Variants in ATF7IP2 observed in about 807,000 individuals in gnomAD.
The protein encoded by ATF7IP2 is activating transcription factor 7-interacting protein 2.
Under a neutral mutation model 64.2 loss-of-function variants are expected in ATF7IP2, and 42 were observed. The ratio of observed to expected loss-of-function variants is 0.65; its 90% CI spans 0.51 to 0.85. ATF7IP2 has a LOEUF of 0.85. Among genes scored for constraint, ATF7IP2 ranks in the 40% least tolerant of loss-of-function variants. ATF7IP2 has a pLI of 0.00. For synonymous variants in ATF7IP2, 308 were observed against 272.8 expected (o/e 1.13, Z -1.27); for missense variants, 933 against 784.2 (o/e 1.19, Z -2.27).
At chr16:10,411,249 C>T (rs2047752111) in intron 1 of ATF7IP2, among the ~76,000 whole-genome samples, 4 of 151,782 alleles carry the variant, frequency 2.6e-5, no homozygotes, top group Admixed American at 2.6e-4. Context: ...GGGAGGATTC[C>T]CTCTTTCTCT....
At chr16:10,405,510 C>T (rs2047619624) in intron 1 of ATF7IP2, among the ~76,000 whole-genome samples, 1 of 152,208 alleles carries the variant, frequency 6.6e-6, no homozygotes, top group Non-Finnish European at 1.5e-5. Flanking sequence ...CAGAGTGAAA[C>T]ATTCCACAGG....
rs1359331821 is a variant in ATF7IP2 at position 10,482,553 on chromosome 16, A to C, written c.*304A>C. On this transcript the variant is annotated 3_prime_UTR_variant, in exon 14 of 14. Transcript: ENST00000562102. ...GCTTCTATCAGAAGACCTAGGATAC[A>C]AGCAGCCACTGTTTCCTCCGTTAAC... 4.9e-6 allele frequency: 1 copy of C among 202,578 alleles called. No homozygotes were observed. The highest frequency in any genetic ancestry group is 2.4e-5 in the African/African-American group (1 of 42,536). 12.5% of individuals were successfully genotyped at this position (202,578 alleles called of 1,614,324 possible). A position where few individuals can be genotyped will look rare whatever the true frequency, so the allele number is the denominator to read the frequency against.
intron 8 of ATF7IP2, among the ~76,000 whole-genome samples, chr16:10,453,753 G>A (rs946912819): frequency 2.0e-5 from 3 of 152,042 alleles, no homozygotes; most frequent in Admixed American, 6.6e-5. Flanking sequence ...GAGTAGCTGG[G>A]ATTACAGTCA....
intron 9 of ATF7IP2, among the ~76,000 whole-genome samples, chr16:10,466,968 T>A (rs546760016): frequency 1.3e-5 from 2 of 152,318 alleles, no homozygotes; most frequent in African/African-American, 4.8e-5. Context: ...CTCTGGTTTT[T>A]TTTTTGGCAT....
rs746450238 is a variant in ATF7IP2, at chr16:10,430,965, G to T, written c.345G>T (p.Ser115=). ...CAAAATTGGAACAAGTTGTTTGTTCGTACCAAAAGCCAAGTAGAACAACAG... is the reference window on the plus strand; with the variant it reads ...CAAAATTGGAACAAGTTGTTTGTTCTTACCAAAAGCCAAGTAGAACAACAG... ...SETKLEQVVC[S]YQKPSRTTES... is the part of the protein sequence containing the mutation. Residue 115 remains serine, a synonymous_variant, in exon 5 of 14, where the codon TCG becomes TCT. Transcript: ENST00000562102. 55 of 1,613,958 alleles carry T rather than the reference G, an allele frequency of 3.4e-5. No individual in the cohort carries two copies. Among genetic ancestry groups the T allele is most frequent in the Non-Finnish European group, 4.5e-5 (53 of 1,180,028 alleles).
chr16:10,470,823 G>GTATATATA (rs1340268411), intron 9 of ATF7IP2, among the ~76,000 whole-genome samples: 4 of 143,834 alleles, frequency 2.8e-5, no homozygotes, highest in African/African-American at 1.1e-4. Context: ...ATGTGTGTGT[G>GTATATATA]TATATATATA....
At chr16:10,465,802 A>T (rs1161532294) in intron 9 of ATF7IP2, among the ~76,000 whole-genome samples, 1 of 151,934 alleles carries the variant, frequency 6.6e-6, no homozygotes, top group African/African-American at 2.4e-5. Context: ...GTTTCATATC[A>T]TTACATTAAA....
intron 1 of ATF7IP2, among the ~76,000 whole-genome samples, chr16:10,395,172 T>G (rs1712997010): frequency 6.6e-6 from 1 of 151,730 alleles, no homozygotes; most frequent in Admixed American, 6.6e-5. Flanking sequence ...AAAAAAAAAT[T>G]ATAAGGGAAT....
rs148930854 is a variant in ATF7IP2 at position 10,483,222 on chromosome 16, G to A, written c.*973G>A. On this transcript the variant is annotated 3_prime_UTR_variant, in exon 14 of 14. Coordinates refer to ENST00000562102, the MANE Select transcript of ATF7IP2 (RefSeq NM_001393719.1). ...TACACAAAAACATAATGTATCTTAT[G>A]AAAGCATTACCCAACCTGTTTGAGT... 1 of 152,158 alleles carries A rather than the reference G, an allele frequency of 6.6e-6. No homozygotes were observed. The highest frequency in any genetic ancestry group is 1.5e-5 in the Non-Finnish European group (1 of 68,022). The allele number at this position is 152,158 out of a possible 1,614,324, so 9.4% of individuals were successfully genotyped here.
In ATF7IP2 at chr16:10,412,010, G is replaced by GGTTTTTTTTTTTTTTT. The variant is rs1476575065; in HGVS notation, c.-241-2564_-241-2563insGTTTTTTTTTTTTTTT. On this transcript the variant is annotated intron_variant, in intron 1 of 13. Coordinates refer to ENST00000562102, the MANE Select transcript of ATF7IP2 (RefSeq NM_001393719.1). ...CTTTTTGTTTCATTTATCTTTTTTT[G>GGTTTTTTTTTTTTTTT]TTTTTTTTTTTTTTTTTTTTTTTTT... Among the ~76,000 whole-genome samples, 70 of 58,396 alleles carry GGTTTTTTTTTTTTTTT rather than the reference G, an allele frequency of 1.2e-3. 17 individuals are homozygous for GGTTTTTTTTTTTTTTT. The highest frequency in any genetic ancestry group is 1.8e-3 in the African/African-American group (29 of 16,354). 38.3% of individuals were successfully genotyped at this position (58,396 alleles called of 152,430 possible). A position where few individuals can be genotyped will look rare whatever the true frequency, so the allele number is the denominator to read the frequency against.
At chr16:10,407,880 A>G (rs1199368937) in intron 1 of ATF7IP2, among the ~76,000 whole-genome samples, 2 of 151,182 alleles carry the variant, frequency 1.3e-5, no homozygotes, top group African/African-American at 4.9e-5. Context: ...AGAACATGCA[A>G]TGTTTGGTTT....
intron 9 of ATF7IP2, among the ~76,000 whole-genome samples, chr16:10,465,746 A>G (rs2049545957): frequency 1.3e-5 from 2 of 150,624 alleles, no homozygotes; most frequent in African/African-American, 4.9e-5. Context: ...CCCAAAAACA[A>G]AAAAGAGCTT....
intron 8 of ATF7IP2, chr16:10,453,896 C>A (rs2049074639): frequency 6.6e-6 from 1 of 152,222 alleles, no homozygotes; most frequent in African/African-American, 2.4e-5. Flanking sequence ...CCGCCTTGGC[C>A]TCCCAAAGTC....
intron 12 of ATF7IP2, among the ~76,000 whole-genome samples, chr16:10,478,255 A>C (rs2050083614): frequency 6.7e-6 from 1 of 150,236 alleles, no homozygotes; most frequent in African/African-American, 2.4e-5. Context: ...TTCAAACTAT[A>C]CTACAAGGCT....
intron 1 of ATF7IP2, among the ~76,000 whole-genome samples, chr16:10,403,971 A>T (rs879265638): frequency 3.3e-5 from 5 of 152,234 alleles, no homozygotes; most frequent in Admixed American, 2.0e-4. Context: ...AATTAACAGT[A>T]TTTCCAAAGG....
chr16:10,417,210 A>G (rs2047896304), intron 2 of ATF7IP2, among the ~76,000 whole-genome samples: 2 of 152,326 alleles, frequency 1.3e-5, no homozygotes, highest in Non-Finnish European at 2.9e-5. Flanking sequence ...ATAATGTGAC[A>G]GGATCAAAAC....
Position 10,431,121 on chromosome 16 carries a change from T to G in ATF7IP2, c.501T>G (p.Ser167Arg). Residue 167 changes from serine (S) to arginine (R), a missense_variant, in exon 5 of 14, where the codon AGT becomes AGG. Ser to Arg is a moderately radical substitution (Grantham distance 110). Coordinates refer to ENST00000562102, the MANE Select transcript of ATF7IP2 (RefSeq NM_001393719.1). ...EHEGACSLKS[S>R]CCPPSVLSGV... Reference sequence around the variant, plus strand: ...AGGGGGCTTGTAGTCTAAAGTCCAGTTGCTGTCCACCCAGTGTATTGAGTG... The same window carrying G: ...AGGGGGCTTGTAGTCTAAAGTCCAGGTGCTGTCCACCCAGTGTATTGAGTG... 6.2e-7 allele frequency: 1 copy of G among 1,614,188 alleles called. No homozygotes were observed. The highest frequency in any genetic ancestry group is 8.5e-7 in the Non-Finnish European group (1 of 1,180,016).
chr16:10,477,194 C>T (rs2050042363), intron 12 of ATF7IP2, among the ~76,000 whole-genome samples: 1 of 152,186 alleles, frequency 6.6e-6, no homozygotes, highest in African/African-American at 2.4e-5. Flanking sequence ...ATCTGTCTAA[C>T]TGACAAAGGT....
intron 8 of ATF7IP2, among the ~76,000 whole-genome samples, chr16:10,452,778 T>C (rs2049027939): frequency 6.6e-6 from 1 of 152,158 alleles, no homozygotes; most frequent in African/African-American, 2.4e-5. Context: ...AGAGATGCCC[T>C]GTCCAGAGAG....
Sources: gnomAD v4.1 joint callset for allele counts (sites outside exome capture counted in the v4.1 genomes callset) on GRCh38, gnomAD v4.1.1 for gene constraint, MANE v1.5 for transcripts, NCBI Gene and HGNC (gene_info 2026-07-23, HGNC 2026-07-21) for gene names.